The following PAK4 variants were observed in gnomAD, a reference collection of about 807,000 sequenced individuals.
PAK4 encodes the protein p21 (RAC1) activated kinase 4.
PAK4 carries 49 observed loss-of-function variants against 53.5 expected under a neutral mutation model. The observed-to-expected ratio is 0.92, with a 90% confidence interval of 0.73 to 1.16. The LOEUF is 1.16. Ranked by LOEUF, PAK4 falls within the 50% of genes most tolerant of loss-of-function variation. The pLI is 0.00. For missense variants in PAK4, 824 were observed against 850.7 expected (o/e 0.97, Z 0.39); for synonymous variants, 376 against 375.6 (o/e 1.00, Z -0.01).
At chr19:39,176,306 T>C (rs1311377065) in intron 6 of PAK4, among the ~76,000 whole-genome samples, 2 of 152,180 alleles carry the variant, frequency 1.3e-5, no homozygotes, top group East Asian at 3.9e-4. Flanking sequence ...GGCCCTGCCT[T>C]TGCTATCTGC....
chr19:39,154,046 A>T (rs767536032), intron 1 of PAK4, among the ~76,000 whole-genome samples: 2 of 152,016 alleles, frequency 1.3e-5, no homozygotes, highest in African/African-American at 4.8e-5. Flanking sequence ...GTCTTCTTTG[A>T]TGCTCATCCA....
chr19:39,175,454 G>A lies in PAK4; in HGVS notation c.1359+16G>A, dbSNP rs2074585221. 1.9e-6 allele frequency: 3 copies of A among 1,601,850 alleles called. No homozygotes were observed. Among genetic ancestry groups the A allele is most frequent in the African/African-American group, 2.7e-5 (2 of 74,922 alleles). ...TGATGGCAGGGTGAGGGGACGGGCG[G>A]CGGGGTACGGGGGCGGCAGGTTTCC... is the stretch of plus-strand genomic sequence containing the variant. On this transcript the variant is annotated intron_variant, in intron 6 of 8. Coordinates refer to ENST00000358301, the Ensembl canonical transcript of PAK4. This position sits in a 1 kb window ranked among gnomAD's most constrained non-coding sequence, Gnocchi z 4.7.
chr19:39,129,151 C>G (rs562336942), intron 1 of PAK4, among the ~76,000 whole-genome samples: 11 of 152,280 alleles, frequency 7.2e-5, no homozygotes, highest in African/African-American at 2.6e-4. Context: ...TCAAGCTATC[C>G]TCCCACCTCA....
intron 1 of PAK4, chr19:39,136,390 A>G (rs11083510): frequency 0.26 from 39,925 of 151,772 alleles, 5,332 homozygotes; most frequent in East Asian, 0.39. Flanking sequence ...TTCTCCTGCC[A>G]CCATTCCTGG....
intron 1 of PAK4, among the ~76,000 whole-genome samples, chr19:39,133,179 G>A (rs1035084859): frequency 6.6e-5 from 10 of 152,194 alleles, no homozygotes; most frequent in Admixed American, 2.0e-4. Flanking sequence ...CTCTGTGCCC[G>A]GGTGTCCTCA....
At chr19:39,135,231 A>T (rs2073788356) in intron 1 of PAK4, 1 of 151,030 alleles carries the variant, frequency 6.6e-6, no homozygotes, top group Non-Finnish European at 1.5e-5. Flanking sequence ...ACTGGTTATC[A>T]TCGGGCTGAG....
chr19:39,157,285 G>C (rs1411304564), intron 1 of PAK4, among the ~76,000 whole-genome samples: 1 of 152,070 alleles, frequency 6.6e-6, no homozygotes, highest in Non-Finnish European at 1.5e-5. Context: ...TGTGTCCTGG[G>C]GTGCAGTGCG....
Position 39,175,834 on chromosome 19 carries a change from A to G in PAK4, c.1359+396A>G, listed in dbSNP as rs1185984799. Among the ~76,000 whole-genome samples the G allele has an allele frequency of 6.6e-6, 1 of 152,210 alleles. No individual in the cohort carries two copies. The highest frequency in any genetic ancestry group is 1.9e-4 in the East Asian group (1 of 5,196). Reference sequence around the variant, plus strand: ...AGGTTCCAAATCTGAGGCTGTGACAATTATAACGTCGGGTGGACATGATTT... The same window carrying G: ...AGGTTCCAAATCTGAGGCTGTGACAGTTATAACGTCGGGTGGACATGATTT... On this transcript the variant is annotated intron_variant, in intron 6 of 8. Coordinates refer to ENST00000358301, the Ensembl canonical transcript of PAK4. This position sits in a 1 kb window ranked among gnomAD's most constrained non-coding sequence, Gnocchi z 4.7.
chr19:39,173,855 G>A lies in PAK4; in HGVS notation c.943G>A (p.Gly315Ser). 1 of 1,612,718 alleles carries A rather than the reference G, an allele frequency of 6.2e-7. No homozygotes were observed. Among genetic ancestry groups the A allele is most frequent in the Non-Finnish European group, 8.5e-7 (1 of 1,179,828 alleles). The stretch of plus-strand genomic sequence containing the variant: ...TGCCCTGCAGCTGGTGGTGGACCCA[G>A]GCGACCCCCGCTCCTACCTGGACAA... Residue 315 changes from glycine to serine, a missense_variant, in exon 4 of 9, where the codon GGC (glycine) becomes AGC (serine). Physicochemically the swap from Gly to Ser is moderately conservative, Grantham distance 56. Around this residue, in one of 2 missense-constraint regions of PAK4, gnomAD observed 346 missense variants for 415.0 expected, o/e 0.83. Transcript: ENST00000358301. The surrounding 1 kb of genome is among the most constrained non-coding windows in gnomAD (Gnocchi z 6.9).
chr19:39,167,692 C>A (rs1243262293), intron 1 of PAK4, among the ~76,000 whole-genome samples: 1 of 152,158 alleles, frequency 6.6e-6, no homozygotes, highest in African/African-American at 2.4e-5. Flanking sequence ...CACCCCCCTC[C>A]CACGGGGCTC....
chr19:39,150,370 C>T (rs1249456693), intron 1 of PAK4, among the ~76,000 whole-genome samples: 1 of 152,116 alleles, frequency 6.6e-6, no homozygotes, highest in African/African-American at 2.4e-5. Context: ...GGCCTAGGTT[C>T]AGAGTCGTCC....
chr19:39,132,825 T>C lies in PAK4; in HGVS notation c.-23+6906T>C, dbSNP rs570636741. ...ACTCCCTTGCTGGAATAGACGGGTG[T>C]CACCTGACATTCTCACCTTTGCCAG... On this transcript the variant is annotated intron_variant, in intron 1 of 8. Coordinates refer to ENST00000358301, the Ensembl canonical transcript of PAK4. Among the ~76,000 whole-genome samples the C allele has an allele frequency of 1.1e-4, 17 of 152,364 alleles. No individual in the cohort carries two copies. The South Asian group carries it at 2.5e-3, about 22-fold the overall frequency.
intron 1 of PAK4, among the ~76,000 whole-genome samples, chr19:39,141,339 A>G (rs1210847353): frequency 1.3e-5 from 2 of 150,128 alleles, no homozygotes; most frequent in African/African-American, 2.5e-5. Flanking sequence ...TTTTTGAGAC[A>G]GAGTCTCACT....
intron 1 of PAK4, among the ~76,000 whole-genome samples, chr19:39,156,277 C>T (rs1261374637): frequency 6.6e-6 from 1 of 151,998 alleles, no homozygotes; most frequent in African/African-American, 2.4e-5. Context: ...AGAGAGCCCA[C>T]CCACCCCTCT....
At chr19:39,131,784 G>C (rs1015223104) in intron 1 of PAK4, among the ~76,000 whole-genome samples, 1 of 152,172 alleles carries the variant, frequency 6.6e-6, no homozygotes, top group Non-Finnish European at 1.5e-5. Context: ...TGCCAGGGCT[G>C]CTCAGTCCAC....
At chr19:39,169,312 A>G (rs956886289) in intron 1 of PAK4, among the ~76,000 whole-genome samples, 9 of 152,050 alleles carry the variant, frequency 5.9e-5, no homozygotes, top group Non-Finnish European at 1.2e-4. Flanking sequence ...GCGGCAGGAA[A>G]GTTCTGAGCA....
At chr19:39,182,730 A>C (rs1248022879), downstream of PAK4, 1 of 151,438 alleles carries the variant, frequency 6.6e-6, no homozygotes, top group Non-Finnish European at 1.5e-5. Flanking sequence ...GAGGCATGAG[A>C]ATCACTTGAA....
chr19:39,130,626 T>C (rs927068022), intron 1 of PAK4, among the ~76,000 whole-genome samples: 4 of 151,874 alleles, frequency 2.6e-5, no homozygotes, highest in Non-Finnish European at 5.9e-5. Flanking sequence ...GTAGCCTTGC[T>C]CTGCAAAGAG....
At chr19:39,128,721 C>G (rs1041660622) in intron 1 of PAK4, among the ~76,000 whole-genome samples, 5 of 152,178 alleles carry the variant, frequency 3.3e-5, no homozygotes, top group South Asian at 2.1e-4. Context: ...CCTCACCCCC[C>G]CTCCTCCCTC....
Sources: gnomAD v4.1 joint callset for allele counts (sites outside exome capture counted in the v4.1 genomes callset) on GRCh38, gnomAD v4.1.1 for gene constraint, gnomAD v4.1.1 regional missense constraint, Gnocchi (gnomAD v3.1) non-coding constraint, MANE v1.5 for transcripts, NCBI Gene and HGNC (gene_info 2026-07-23, HGNC 2026-07-21) for gene names.